The following NCALD variants were observed in gnomAD, a reference collection of about 807,000 sequenced individuals.
NCALD encodes neurocalcin-delta.
Under a neutral mutation model 18.6 loss-of-function variants are expected in NCALD, and 10 were observed. The observed-to-expected ratio is 0.54, with a 90% CI of 0.33 to 0.91. The LOEUF (loss-of-function observed/expected upper bound fraction) is 0.91, where lower values mean the gene tolerates loss of function less well. Among genes scored for constraint, NCALD ranks in the 40% least tolerant of loss-of-function variants. NCALD has a pLI of 0.03. For missense variants in NCALD, 184 were observed against 247.6 expected, an observed-to-expected ratio of 0.74 and a Z score of 1.72; for synonymous variants, 88 against 87.4, an observed-to-expected ratio of 1.01 and a Z score of -0.04.
At chr8:102,083,303 C>T (rs939895775) in intron 1 of NCALD, among the ~76,000 whole-genome samples, 7 of 152,276 alleles carry the variant, frequency 4.6e-5, no homozygotes, top group South Asian at 4.1e-4. Flanking sequence ...CAAACCAGCT[C>T]GGCATGATTT....
chr8:101,736,255 C>T (rs1418550127), intron 1 of NCALD, among the ~76,000 whole-genome samples: 1 of 152,138 alleles, frequency 6.6e-6, no homozygotes, highest in African/African-American at 2.4e-5. Context: ...GTTCGTATCC[C>T]TTTAGTGTAT....
intron 3 of NCALD, among the ~76,000 whole-genome samples, chr8:101,891,057 A>G (rs1246157889): frequency 6.6e-6 from 1 of 152,254 alleles, no homozygotes; most frequent in Non-Finnish European, 1.5e-5. Flanking sequence ...AACTACATAC[A>G]AATGGTATCT....
chr8:101,688,841 T>A lies in NCALD; in HGVS notation c.*468A>T, dbSNP rs1160127526. The A allele has an allele frequency of 4.8e-6, 3 of 625,308 alleles. No homozygotes were observed. Among genetic ancestry groups the A allele is most frequent in the Non-Finnish European group, 8.7e-6 (3 of 345,994 alleles). 38.7% of individuals were successfully genotyped at this position (625,308 alleles called of 1,614,324 possible). A position where few individuals can be genotyped will look rare whatever the true frequency, so the allele number is the denominator to read the frequency against. On this transcript the variant is annotated 3_prime_UTR_variant, in exon 4 of 4. Transcript: ENST00000220931. Reference sequence around the variant, plus strand: ...GCTGGAATAGCCTCACCCCAGAGGGTAACTTGTTCTTGGGGAATCCAGCAT... The same window carrying A: ...GCTGGAATAGCCTCACCCCAGAGGGAAACTTGTTCTTGGGGAATCCAGCAT...
At chr8:102,017,590 G>C (rs1334400475) in intron 2 of NCALD, among the ~76,000 whole-genome samples, 1 of 152,150 alleles carries the variant, frequency 6.6e-6, no homozygotes, top group Admixed American at 6.6e-5. Flanking sequence ...AGCTACTCGG[G>C]AGGCTGACGC....
chr8:101,813,555 T>G (rs1465204568), intron 4 of NCALD, among the ~76,000 whole-genome samples: 2 of 152,074 alleles, frequency 1.3e-5, no homozygotes, highest in Non-Finnish European at 2.9e-5. Flanking sequence ...TTAAGTAAAG[T>G]CCTTTAAAAA....
At chr8:101,936,648 T>A (rs1165309517) in intron 2 of NCALD, among the ~76,000 whole-genome samples, 1 of 152,176 alleles carries the variant, frequency 6.6e-6, no homozygotes, top group Non-Finnish European at 1.5e-5. Context: ...CAAAACAAAC[T>A]GAGTCAAAAT....
intron 1 of NCALD, among the ~76,000 whole-genome samples, chr8:101,771,266 G>A (rs1029859357): frequency 6.6e-6 from 1 of 152,164 alleles, no homozygotes; most frequent in African/African-American, 2.4e-5. Context: ...TAGCATCATG[G>A]TACCTCCAGA....
chr8:101,718,362 T>G (rs577770636), intron 2 of NCALD, among the ~76,000 whole-genome samples: 1 of 152,314 alleles, frequency 6.6e-6, no homozygotes, highest in African/African-American at 2.4e-5. Context: ...CAACAGGGGC[T>G]GGGTGGGGGT....
At chr8:101,939,905 G>T (rs537674998) in intron 2 of NCALD, among the ~76,000 whole-genome samples, 27 of 152,292 alleles carry the variant, frequency 1.8e-4, no homozygotes, top group African/African-American at 5.8e-4. Context: ...CTAGTAAGTG[G>T]CCATGTGATC....
At chr8:101,801,643 C>CTTTTTTTTTTTTTTTTTTTTTTT (rs71268530) in intron 4 of NCALD, among the ~76,000 whole-genome samples, 1 of 44,140 alleles carries the variant, frequency 2.3e-5, no homozygotes, top group African/African-American at 5.4e-5. Flanking sequence ...AGCACACTTA[C>CTTTTTTTTTTTTTTTTTTTTTTT]TTTTTTTTTT....
chr8:101,700,028 T>TTTTA (rs35567665), intron 2 of NCALD, among the ~76,000 whole-genome samples: 32,433 of 149,910 alleles, frequency 0.22, 4,282 homozygotes, highest in East Asian at 0.38. Context: ...TGCTCTCTAT[T>TTTTA]TTTATTTATT....
At chr8:101,864,332 A>G (rs1414674223) in intron 4 of NCALD, among the ~76,000 whole-genome samples, 1 of 152,220 alleles carries the variant, frequency 6.6e-6, no homozygotes, top group Non-Finnish European at 1.5e-5. Flanking sequence ...ACCATGACCT[A>G]CAAAAGCCAC....
rs75173111 is a variant in NCALD, at chr8:101,998,663, G to A, written c.-157+21574C>T. On this transcript the variant is annotated intron_variant, in intron 2 of 6. Transcript: ENST00000311028. The stretch of plus-strand genomic sequence containing the variant: ...CTCTTGTTTCTGTGGCCCAAGGATG[G>A]CGATGGCTTACCCCTGCTGCTAGTT... Among the ~76,000 whole-genome samples the A allele has an allele frequency of 1.1e-4, 16 of 152,230 alleles. No individual in the cohort carries two copies. The East Asian group carries it at 2.9e-3, about 28-fold the overall frequency.
intron 2 of NCALD, among the ~76,000 whole-genome samples, chr8:102,019,483 G>T (rs1314975611): frequency 6.6e-6 from 1 of 152,020 alleles, no homozygotes; most frequent in East Asian, 1.9e-4. Flanking sequence ...GACTCAAGAA[G>T]AAATAGAAAA....
At chr8:101,983,116 T>A (rs1464535467) in intron 2 of NCALD, among the ~76,000 whole-genome samples, 2 of 152,178 alleles carry the variant, frequency 1.3e-5, no homozygotes, top group Non-Finnish European at 2.9e-5. Flanking sequence ...ACAGGCTGAA[T>A]GAGTCTCAGA....
At chr8:101,976,784 C>G (rs1024135617) in intron 2 of NCALD, among the ~76,000 whole-genome samples, 1 of 152,166 alleles carries the variant, frequency 6.6e-6, no homozygotes, top group Admixed American at 6.5e-5. Context: ...CCCCCCTGCC[C>G]TCATGGACAT....
chr8:102,080,451 G>T (rs1391290339), intron 1 of NCALD, among the ~76,000 whole-genome samples: 1 of 152,202 alleles, frequency 6.6e-6, no homozygotes, highest in Non-Finnish European at 1.5e-5. Flanking sequence ...GATTTTAAGT[G>T]CTGGCTCCTG....
chr8:101,699,740 A>G (rs1229161597), intron 2 of NCALD, among the ~76,000 whole-genome samples: 1 of 152,034 alleles, frequency 6.6e-6, no homozygotes, highest in African/African-American at 2.4e-5. Flanking sequence ...GGAGGGAACA[A>G]CACACACTGG....
At chr8:101,823,191 A>C (rs1215985097) in intron 4 of NCALD, among the ~76,000 whole-genome samples, 1 of 152,216 alleles carries the variant, frequency 6.6e-6, no homozygotes, top group Non-Finnish European at 1.5e-5. Flanking sequence ...AGTTTTAGGC[A>C]ATTAAAAATA....
Sources: allele counts gnomAD v4.1 joint callset (sites outside exome capture counted in the v4.1 genomes callset), GRCh38; gene constraint gnomAD v4.1.1; transcripts MANE v1.5; gene names NCBI Gene and HGNC (gene_info 2026-07-23, HGNC 2026-07-21).